Variants in BMPR1B observed in about 807,000 individuals in gnomAD.
The protein encoded by BMPR1B is bone morphogenetic protein receptor type-1B.
Under a neutral mutation model 59.1 loss-of-function variants are expected in BMPR1B, and 12 were observed. The observed-to-expected ratio is 0.20, with a 90% confidence interval of 0.13 to 0.33. The LOEUF is 0.33. Among genes scored for constraint, BMPR1B ranks in the 10% least tolerant of loss-of-function variants. BMPR1B has a pLI of 1.00. For synonymous variants in BMPR1B, 237 were observed against 207.3 expected, an observed-to-expected ratio of 1.14 and a Z score of -1.23; for missense variants, 550 against 610.9, an observed-to-expected ratio of 0.90 and a Z score of 1.05.
intron 1 of BMPR1B, among the ~76,000 whole-genome samples, chr4:94,821,078 A>C (rs896741543): frequency 6.6e-6 from 1 of 152,224 alleles, no homozygotes; most frequent in Non-Finnish European, 1.5e-5. Context: ...AACACTTCAG[A>C]ATTTCATGTT....
intron 10 of BMPR1B, among the ~76,000 whole-genome samples, chr4:95,136,078 GT>G (rs1733759172): frequency 6.6e-6 from 1 of 152,120 alleles, no homozygotes; most frequent in South Asian, 2.1e-4. Flanking sequence ...ATGGAGGGCT[GT>G]TAAATTTTGT....
intron 2 of BMPR1B, among the ~76,000 whole-genome samples, chr4:94,969,535 CT>C (rs1452623523): frequency 1.3e-5 from 2 of 152,068 alleles, no homozygotes; most frequent in Non-Finnish European, 2.9e-5. Flanking sequence ...TTTTTCTTCT[CT>C]TTTTTAGCCT....
chr4:95,006,681 A>G (rs1013272337), intron 3 of BMPR1B, among the ~76,000 whole-genome samples: 18 of 151,292 alleles, frequency 1.2e-4, no homozygotes, highest in Admixed American at 1.3e-4. Context: ...AGCTGGGATT[A>G]CAGGCGCACC....
chr4:95,099,777 A>G (rs1730692429), intron 3 of BMPR1B, among the ~76,000 whole-genome samples: 1 of 152,166 alleles, frequency 6.6e-6, no homozygotes, highest in Non-Finnish European at 1.5e-5. Flanking sequence ...TAAATAAATA[A>G]CTGTACTACT....
intron 11 of BMPR1B, 115 bp downstream of exon 11, chr4:95,149,038 T>A: frequency 7.4e-7 from 1 of 1,353,608 alleles, no homozygotes; most frequent in South Asian, 1.2e-5. Context: ...TATTTTCCCC[T>A]TTATTTCTGT....
chr4:94,843,550 G>A (rs6817080), intron 1 of BMPR1B, among the ~76,000 whole-genome samples: 93,342 of 151,972 alleles, frequency 0.61, 29,664 homozygotes, highest in African/African-American at 0.78. Context: ...TATTCTTGTT[G>A]TATTGGTCAT....
intron 2 of BMPR1B, among the ~76,000 whole-genome samples, chr4:94,899,432 TACACACACACATAC>T (rs1264017359): frequency 1.3e-5 from 2 of 149,624 alleles, no homozygotes; most frequent in East Asian, 2.0e-4. Flanking sequence ...TGTATATATA[TACACACACACATAC>T]ACACACACAT....
chr4:94,842,502 T>A (rs1725128695), intron 1 of BMPR1B, among the ~76,000 whole-genome samples: 2 of 152,208 alleles, frequency 1.3e-5, no homozygotes, highest in African/African-American at 4.8e-5. Context: ...GTACATACAG[T>A]CTTTGGGATT....
Position 95,123,854 on chromosome 4 carries a change from G to A in BMPR1B, c.394G>A (p.Val132Met), listed in dbSNP as rs931491708. 1.9e-6 allele frequency: 3 copies of A among 1,611,970 alleles called. No individual in the cohort carries two copies. The highest frequency in any genetic ancestry group is 1.3e-5 in the African/African-American group (1 of 74,834). ...ACACCACAGGGCTTTACTTATATCT[G>A]TGACTGTCTGTAGTTTGCTCTTGGT... is the stretch of plus-strand genomic sequence containing the variant. The part of the protein sequence containing the change: ...PIHHRALLIS[V>M]TVCSLLLVLI... The change falls in exon 7 of 13, where the codon GTG becomes ATG. Residue 132 changes from valine to methionine, a missense_variant. By Grantham distance (21) the Val-to-Met change is conservative. Coordinates refer to ENST00000515059, the MANE Select transcript of BMPR1B (RefSeq NM_001203.3).
intron 3 of BMPR1B, among the ~76,000 whole-genome samples, chr4:95,092,052 A>G (rs539301201): frequency 3.3e-5 from 5 of 152,192 alleles, no homozygotes; most frequent in African/African-American, 9.6e-5. Flanking sequence ...TAATGTATCA[A>G]CTATACACTT....
At chr4:94,858,007 G>A (rs571129597) in intron 1 of BMPR1B, among the ~76,000 whole-genome samples, 28 of 152,122 alleles carry the variant, frequency 1.8e-4, no homozygotes, top group South Asian at 6.2e-4. Context: ...GTGCAGTGGC[G>A]CAATCTTGGC....
intron 10 of BMPR1B, among the ~76,000 whole-genome samples, chr4:95,133,824 C>A (rs1052179133): frequency 6.6e-6 from 1 of 152,016 alleles, no homozygotes; most frequent in Non-Finnish European, 1.5e-5. Context: ...CCTGCATCAG[C>A]CTCCCAAAAC....
intron 3 of BMPR1B, among the ~76,000 whole-genome samples, chr4:95,010,421 C>T: frequency 6.6e-6 from 1 of 152,124 alleles, no homozygotes; most frequent in Non-Finnish European, 1.5e-5. Flanking sequence ...TATTTTGGAA[C>T]CATATCTCTC....
chr4:94,898,252 C>A (rs1302113813), intron 2 of BMPR1B, among the ~76,000 whole-genome samples: 1 of 151,924 alleles, frequency 6.6e-6, no homozygotes, highest in Non-Finnish European at 1.5e-5. Context: ...AAGTGCAGTC[C>A]TGACAAGTTA....
At position 95,155,163 on chromosome 4, in the gene BMPR1B, G is replaced by C. The variant is rs1175676301; in HGVS notation, c.*490G>C. ...AACCAAAAGACAGTCTAAGTTGGAG[G>C]ACATAGAACGGAACTCATCTTAAAC... On this transcript the variant is annotated 3_prime_UTR_variant, in exon 13 of 13. Coordinates refer to ENST00000515059, the MANE Select transcript of BMPR1B (RefSeq NM_001203.3). 5.8e-6 allele frequency: 1 copy of C among 171,128 alleles called. No homozygotes were observed. Among genetic ancestry groups the C allele is most frequent in the African/African-American group, 2.4e-5 (1 of 41,566 alleles). 10.6% of individuals were successfully genotyped at this position (171,128 alleles called of 1,614,324 possible). A position where few individuals can be genotyped will look rare whatever the true frequency, so the allele number is the denominator to read the frequency against.
chr4:95,064,567 G>A (rs2149210415), intron 3 of BMPR1B, among the ~76,000 whole-genome samples: 1 of 152,154 alleles, frequency 6.6e-6, no homozygotes, highest in East Asian at 1.9e-4. Context: ...TGCTGTTTTA[G>A]AGCACGTCGC....
intron 1 of BMPR1B, among the ~76,000 whole-genome samples, chr4:94,813,725 C>A (rs965020453): frequency 9.9e-5 from 15 of 152,108 alleles, no homozygotes; most frequent in Non-Finnish European, 1.5e-4. Context: ...AAAAGGCTAT[C>A]TCAGTAGTCC....
At chr4:94,773,934 A>G (rs1468126166) in intron 1 of BMPR1B, among the ~76,000 whole-genome samples, 1 of 152,060 alleles carries the variant, frequency 6.6e-6, no homozygotes, top group African/African-American at 2.4e-5. Context: ...CTAAAATATT[A>G]TGTAGTCACA....
chr4:94,871,360 C>T (rs1214293814), intron 1 of BMPR1B, among the ~76,000 whole-genome samples: 2 of 152,110 alleles, frequency 1.3e-5, no homozygotes, highest in East Asian at 1.9e-4. Flanking sequence ...TGTTACTAAT[C>T]TTTTCTGCTA....
Sources: gnomAD v4.1 joint callset for allele counts (sites outside exome capture counted in the v4.1 genomes callset) on GRCh38, gnomAD v4.1.1 for gene constraint, MANE v1.5 for transcripts, NCBI Gene and HGNC (gene_info 2026-07-23, HGNC 2026-07-21) for gene names.